DDHD1: variants seen among roughly 807,000 people sequenced by gnomAD.
The protein encoded by DDHD1 is phospholipase DDHD1.
Under a neutral mutation model 96.4 loss-of-function variants are expected in DDHD1, and 49 were observed. The ratio of observed to expected loss-of-function variants is 0.51; its 90% CI spans 0.40 to 0.64. DDHD1 has a LOEUF of 0.64. Ranked by LOEUF, DDHD1 falls within the 30% of genes least tolerant of loss-of-function variation. The probability of loss-of-function intolerance (pLI) is 0.00; values close to 1 mark genes in which losing one functional copy is unlikely to be tolerated. For missense variants in DDHD1, 1,106 were observed against 1,161.2 expected, an observed-to-expected ratio of 0.95 and a Z score of 0.69; for synonymous variants, 442 against 446.5, an observed-to-expected ratio of 0.99 and a Z score of 0.13.
At chr14:53,066,027 T>G (rs1045831694) in intron 6 of DDHD1, among the ~76,000 whole-genome samples, 1 of 152,222 alleles carries the variant, frequency 6.6e-6, no homozygotes, top group African/African-American at 2.4e-5. Context: ...CACATTTCAT[T>G]TTTAATCCTA....
Position 53,041,493 on chromosome 14 carries a change from G to C in DDHD1, c.*5275C>G, listed in dbSNP as rs931541744. On this transcript the variant is annotated 3_prime_UTR_variant, in exon 13 of 13. Transcript: ENST00000673822. ...ATTTTAAATTTCTGAGTTAACCTAT[G>C]TTGGAACAGTTTTGGAGGTGACCTA... 1 of 152,186 alleles carries C rather than the reference G, an allele frequency of 6.6e-6. No individual in the cohort carries two copies. Among genetic ancestry groups the C allele is most frequent in the African/African-American group, 2.4e-5 (1 of 41,436 alleles). 9.4% of individuals were successfully genotyped at this position (152,186 alleles called of 1,614,324 possible). A position where few individuals can be genotyped will look rare whatever the true frequency, so the allele number is the denominator to read the frequency against.
rs1881370957 is a variant in DDHD1, at chr14:53,037,816, T to C, written c.*8952A>G. ...AGTTCTTTGCCAAGGCTGATGTTGA[T>C]AAGGGTATTTCCTAGGTTTTCTTCT... On this transcript the variant is annotated 3_prime_UTR_variant, in exon 13 of 13. Coordinates refer to ENST00000673822, the MANE Select transcript of DDHD1 (RefSeq NM_001160148.2). 6.6e-6 allele frequency: 1 copy of C among 152,136 alleles called. No individual in the cohort carries two copies. Among genetic ancestry groups the C allele is most frequent in the South Asian group, 2.1e-4 (1 of 4,826 alleles). 9.4% of individuals were successfully genotyped at this position (152,136 alleles called of 1,614,324 possible).
intron 8 of DDHD1, among the ~76,000 whole-genome samples, chr14:53,059,863 CAAAAAAAAAA>C (rs60708379): frequency 4.3e-4 from 8 of 18,510 alleles, no homozygotes; most frequent in East Asian, 1.9e-3. Flanking sequence ...GACTCTGTCT[CAAAAAAAAAA>C]AAAAAAAAAA....
chr14:53,082,023 T>G (rs544645837), intron 4 of DDHD1, among the ~76,000 whole-genome samples: 86 of 152,284 alleles, frequency 5.6e-4, no homozygotes, highest in African/African-American at 2.0e-3. Context: ...GTAAAATCTA[T>G]TTCTTAAATA....
chr14:53,136,951 G>A (rs371812923), intron 1 of DDHD1, among the ~76,000 whole-genome samples: 115 of 152,202 alleles, frequency 7.6e-4, no homozygotes, highest in African/African-American at 2.3e-3. Flanking sequence ...AGAAAAGTCC[G>A]TCAATAAAAA....
chr14:53,114,060 C>T lies in DDHD1; in HGVS notation c.839-10204G>A, dbSNP rs1393727448. On this transcript the variant is annotated intron_variant, in intron 1 of 12. Transcript: ENST00000673822. ...GGAGGGGCGTCCACCATTACCAAGG[C>T]TTTAGTAGGTGGTTTTCCCCTGACA... Among the ~76,000 whole-genome samples, 3 of 152,160 alleles carry T rather than the reference C, an allele frequency of 2.0e-5. No homozygotes were observed. In the East Asian group the frequency reaches 5.8e-4, roughly 29 times the overall value.
At chr14:53,076,976 T>C (rs1210731524) in intron 4 of DDHD1, among the ~76,000 whole-genome samples, 1 of 152,222 alleles carries the variant, frequency 6.6e-6, no homozygotes, top group East Asian at 1.9e-4. Context: ...ACTTGCTTAA[T>C]TATGATATTC....
At chr14:53,062,130 C>T (rs969512284) in intron 7 of DDHD1, among the ~76,000 whole-genome samples, 8 of 150,876 alleles carry the variant, frequency 5.3e-5, no homozygotes, top group Non-Finnish European at 1.0e-4. Flanking sequence ...AATGCTGCTC[C>T]GAGTATTGCC....
Position 53,096,287 on chromosome 14 carries a change from C to T in DDHD1, c.1013-2843G>A, listed in dbSNP as rs1886877876. 31 of 542,300 alleles carry T rather than the reference C, an allele frequency of 5.7e-5. 1 individual carries two copies. The highest frequency in any genetic ancestry group is 7.3e-5 in the Non-Finnish European group (31 of 425,608). 33.6% of individuals were successfully genotyped at this position (542,300 alleles called of 1,614,324 possible). A position where few individuals can be genotyped will look rare whatever the true frequency, so the allele number is the denominator to read the frequency against. The stretch of plus-strand genomic sequence containing the variant: ...AGATTTGCCATTTTGCCTTTTTGTT[C>T]TAGTATTAACTTTAAAAAATGAGTT... On this transcript the variant is annotated intron_variant, in intron 2 of 12. Transcript: ENST00000673822.
intron 1 of DDHD1, among the ~76,000 whole-genome samples, chr14:53,104,714 T>G (rs1887557896): frequency 6.6e-6 from 1 of 152,142 alleles, no homozygotes; most frequent in Non-Finnish European, 1.5e-5. Flanking sequence ...TAAAATAAAC[T>G]ACAACTGTCA....
At chr14:53,101,670 G>A (rs954039000) in intron 2 of DDHD1, among the ~76,000 whole-genome samples, 1 of 151,802 alleles carries the variant, frequency 6.6e-6, no homozygotes, top group Non-Finnish European at 1.5e-5. Context: ...ATACACATAC[G>A]CAAAGACATT....
intron 4 of DDHD1, among the ~76,000 whole-genome samples, chr14:53,081,807 A>G (rs1172911478): frequency 1.3e-5 from 2 of 152,180 alleles, no homozygotes; most frequent in African/African-American, 4.8e-5. Context: ...AAAACTGATC[A>G]AACAGGTATG....
intron 1 of DDHD1, among the ~76,000 whole-genome samples, chr14:53,147,489 C>T (rs1487657637): frequency 1.3e-5 from 2 of 152,166 alleles, no homozygotes; most frequent in African/African-American, 2.4e-5. Context: ...ATATTAGATC[C>T]GTTTTTAAAG....
At chr14:53,073,627 TA>T (rs1884710966) in intron 5 of DDHD1, 113 bp downstream of exon 5, 1 of 755,546 alleles carries the variant, frequency 1.3e-6, no homozygotes, top group African/African-American at 1.8e-5. Flanking sequence ...TCAAGACAAT[TA>T]AATTGAAGAC....
chr14:53,102,976 A>G, intron 2 of DDHD1: 1 of 1,530,420 alleles, frequency 6.5e-7, no homozygotes, highest in Non-Finnish European at 8.8e-7. Flanking sequence ...CGGTTTTAGA[A>G]GAAAAACTTC....
intron 12 of DDHD1, among the ~76,000 whole-genome samples, chr14:53,047,679 C>G (rs188854678): frequency 7.2e-5 from 11 of 152,276 alleles, no homozygotes; most frequent in Admixed American, 6.5e-4. Flanking sequence ...TGTCCACAAA[C>G]AATTCAGTGA....
Position 53,042,526 on chromosome 14 carries a change from T to C in DDHD1, c.*4242A>G, listed in dbSNP as rs1461122938. The C allele has an allele frequency of 6.6e-6, 1 of 152,202 alleles. No homozygotes were observed. The highest frequency in any genetic ancestry group is 2.4e-5 in the African/African-American group (1 of 41,448). 9.4% of individuals were successfully genotyped at this position (152,202 alleles called of 1,614,324 possible). ...GGTTGGATTAAATGATCTCTAAAAA[T>C]CTGTACAGACCCGGAAATTTTACAG... is the stretch of plus-strand genomic sequence containing the variant. On this transcript the variant is annotated 3_prime_UTR_variant, in exon 13 of 13. Coordinates refer to ENST00000673822, the MANE Select transcript of DDHD1 (RefSeq NM_001160148.2).
intron 6 of DDHD1, among the ~76,000 whole-genome samples, chr14:53,064,672 TTAA>T (rs1183323702): frequency 6.6e-6 from 1 of 152,124 alleles, no homozygotes; most frequent in Non-Finnish European, 1.5e-5. Context: ...GTCATCTGTT[TTAA>T]TAATTATACA....
chr14:53,146,897 C>T (rs534044182), intron 1 of DDHD1, among the ~76,000 whole-genome samples: 123 of 150,542 alleles, frequency 8.2e-4, no homozygotes, highest in Non-Finnish European at 1.3e-3. Context: ...ACAGAAGGGA[C>T]TCTGTATATC....
Sources: allele counts gnomAD v4.1 joint callset (sites outside exome capture counted in the v4.1 genomes callset), GRCh38; gene constraint gnomAD v4.1.1; transcripts MANE v1.5; gene names NCBI Gene and HGNC (gene_info 2026-07-23, HGNC 2026-07-21).